MCF2: variants seen among roughly 807,000 people sequenced by gnomAD.
MCF2 encodes the protein MCF.2 cell line derived transforming sequence, also known as proto-oncogene DBL.
A neutral mutation model predicts 82.5 loss-of-function variants in MCF2; 44 were observed. The observed-to-expected ratio is 0.53, with a 90% CI of 0.42 to 0.69. The LOEUF (loss-of-function observed/expected upper bound fraction) is 0.69, where lower values mean the gene tolerates loss of function less well. MCF2 is among the 30% of genes least tolerant of loss of function. The pLI is 0.00. For missense variants in MCF2, 623 were observed against 663.1 expected, an observed-to-expected ratio of 0.94 and a Z score of 0.66; for synonymous variants, 217 against 224.9, an observed-to-expected ratio of 0.96 and a Z score of 0.32.
rs781347219 is a variant in MCF2 at position 139,584,672 on chromosome X, A to G, written c.2745+394T>C. 1.2e-4 allele frequency among the ~76,000 whole-genome samples: 13 copies of G among 111,932 alleles called. No individual in the cohort carries two copies. The South Asian group carries it at 2.3e-3, about 20-fold the overall frequency. On this transcript the variant is annotated intron_variant, in intron 24 of 24. Coordinates refer to ENST00000370576, the Ensembl canonical transcript of MCF2. ...TGTTATTAAATCGTTTTTAATGTAT[A>G]ATGCTTATTTCCTTTATTTTCTAAT...
chrX:139,594,633 A>G (rs1929874436), intron 19 of MCF2, among the ~76,000 whole-genome samples: 1 of 111,351 alleles, frequency 9.0e-6, no homozygotes, highest in Admixed American at 9.6e-5. Flanking sequence ...CTAGAAGAAA[A>G]CCTAGGCATT....
intron 6 of MCF2, among the ~76,000 whole-genome samples, 161 bp downstream of exon 9, chrX:139,626,032 A>G (rs1322195736): frequency 1.8e-5 from 2 of 111,900 alleles, no homozygotes; most frequent in African/African-American, 6.5e-5. Flanking sequence ...GAATTTTAGT[A>G]GAGATTTTCT....
chrX:139,585,081 T>C (rs767466208), exon 24 of MCF2: 3 of 1,193,998 alleles, frequency 2.5e-6, no homozygotes, highest in Non-Finnish European at 2.3e-6. Flanking sequence ...GGGGCCTATT[T>C]TCTTCTTCAT....
intron 1 of MCF2, among the ~76,000 whole-genome samples, chrX:139,693,483 AACACACACACAC>A (rs67506907): frequency 3.3e-4 from 32 of 98,401 alleles, no homozygotes; most frequent in Non-Finnish European, 4.9e-4. Flanking sequence ...GTAGGGGAGG[AACACACACACAC>A]ACACACACAC....
At chrX:139,694,240 T>C (rs1301561384) in intron 1 of MCF2, among the ~76,000 whole-genome samples, 1 of 111,681 alleles carries the variant, frequency 9.0e-6, no homozygotes, top group Non-Finnish European at 1.9e-5. Flanking sequence ...GAATGTTTTC[T>C]ACGTATGTGA....
intron 1 of MCF2, among the ~76,000 whole-genome samples, chrX:139,664,838 T>C (rs1005250213): frequency 1.1e-4 from 12 of 111,959 alleles, no homozygotes; most frequent in African/African-American, 3.2e-4. Context: ...GCATACTACC[T>C]GGGTATCACA....
intron 6 of MCF2, among the ~76,000 whole-genome samples, chrX:139,622,777 T>C (rs914797129): frequency 1.8e-5 from 2 of 110,138 alleles, no homozygotes; most frequent in African/African-American, 3.3e-5. Flanking sequence ...ATATACCTAA[T>C]GCTAAATGAC....
chrX:139,683,449 C>A (rs1391637912), intron 1 of MCF2, among the ~76,000 whole-genome samples: 4 of 112,412 alleles, frequency 3.6e-5, no homozygotes, highest in Non-Finnish European at 7.5e-5. Flanking sequence ...CTAGCAACAT[C>A]CCAGATGGCT....
At chrX:139,623,020 A>G (rs1026770046) in intron 6 of MCF2, among the ~76,000 whole-genome samples, 2 of 111,716 alleles carry the variant, frequency 1.8e-5, no homozygotes, top group African/African-American at 6.5e-5. Context: ...AGAGAAATGC[A>G]AATCAAATGA....
At chrX:139,622,072 T>C (rs1276559347) in intron 6 of MCF2, among the ~76,000 whole-genome samples, 1 of 111,495 alleles carries the variant, frequency 9.0e-6, no homozygotes, top group East Asian at 2.8e-4. Flanking sequence ...GGGCGAAGGA[T>C]ATGAACAGAC....
intron 1 of MCF2, among the ~76,000 whole-genome samples, chrX:139,699,931 C>A (rs1935455439): frequency 8.9e-6 from 1 of 112,068 alleles, no homozygotes; most frequent in Non-Finnish European, 1.9e-5. Context: ...TGAAAGTATT[C>A]TCAGGACAAA....
At chrX:139,693,069 C>G (rs1380051173) in intron 1 of MCF2, among the ~76,000 whole-genome samples, 2 of 111,503 alleles carry the variant, frequency 1.8e-5, no homozygotes, top group African/African-American at 3.3e-5. Flanking sequence ...AGAGCTCCTT[C>G]CTTGCCCTGA....
chrX:139,686,365 T>C (rs1213924353), intron 1 of MCF2, among the ~76,000 whole-genome samples: 1 of 110,923 alleles, frequency 9.0e-6, no homozygotes, highest in Non-Finnish European at 1.9e-5. Flanking sequence ...ATATTAAAAA[T>C]ACAAAAATTA....
intron 18 of MCF2, among the ~76,000 whole-genome samples, chrX:139,597,097 C>G (rs952453694): frequency 8.1e-5 from 9 of 111,122 alleles, no homozygotes; most frequent in Non-Finnish European, 1.1e-4. Context: ...TGGAGCTAAC[C>G]TGTTAAAAGG....
intron 1 of MCF2, among the ~76,000 whole-genome samples, chrX:139,637,681 G>A (rs571657129): frequency 4.5e-5 from 5 of 111,578 alleles, no homozygotes; most frequent in African/African-American, 1.3e-4. Context: ...ACATGCAGTA[G>A]GTTCTATTTT....
rs111887391 is a variant in MCF2, at chrX:139,591,501, A to T, written c.2278-1574T>A. Among the ~76,000 whole-genome samples the T allele has an allele frequency of 8.2e-3, 913 of 111,408 alleles. 13 individuals carry two copies. The highest frequency in any genetic ancestry group is 0.027 in the African/African-American group (830 of 30,705). On this transcript the variant is annotated intron_variant, in intron 19 of 24. Coordinates refer to ENST00000370576, the Ensembl canonical transcript of MCF2. Reference sequence around the variant, plus strand: ...TGTAAAATTTTTAAAAATCGATGATAATAAACACATGAACTAAGGAATCTG... The same window carrying T: ...TGTAAAATTTTTAAAAATCGATGATTATAAACACATGAACTAAGGAATCTG...
exon 1 of MCF2, chrX:139,642,682 G>GAAAAAAAAAA: frequency 1.0e-6 from 1 of 955,384 alleles, no homozygotes; most frequent in African/African-American, 2.2e-5. Flanking sequence ...TGCTGGGGAG[G>GAAAAAAAAAA]AAAAAAAAAA....
exon 25 of MCF2, chrX:139,581,948 G>A (rs1233895965): frequency 1.8e-5 from 2 of 113,528 alleles, no homozygotes; most frequent in East Asian, 5.6e-4. Flanking sequence ...AATTTTATCT[G>A]GGCACATACA....
At chrX:139,671,435 T>C (rs1461831310) in intron 1 of MCF2, among the ~76,000 whole-genome samples, 2 of 112,016 alleles carry the variant, frequency 1.8e-5, no homozygotes, top group African/African-American at 6.5e-5. Flanking sequence ...TCTAGGGTTT[T>C]TATGGTTTTA....
Sources: gnomAD v4.1 joint callset for allele counts (sites outside exome capture counted in the v4.1 genomes callset) on GRCh38, gnomAD v4.1.1 for gene constraint, MANE v1.5 for transcripts, NCBI Gene and HGNC (gene_info 2026-07-23, HGNC 2026-07-21) for gene names.